Variants in RBFOX1 observed in about 807,000 individuals in gnomAD.
RBFOX1 encodes the protein RNA binding fox-1 homolog 1.
Under a neutral mutation model 57.7 loss-of-function variants are expected in RBFOX1, and 8 were observed. That is an observed-to-expected ratio of 0.14 (90% CI 0.08 to 0.25). The LOEUF (loss-of-function observed/expected upper bound fraction) is 0.25, where lower values mean the gene tolerates loss of function less well. Among genes scored for constraint, RBFOX1 ranks in the 10% least tolerant of loss-of-function variants. The pLI is 1.00. For missense variants in RBFOX1, 611 were observed against 548.5 expected, an observed-to-expected ratio of 1.11 and a Z score of -1.14; for synonymous variants, 326 against 222.4, an observed-to-expected ratio of 1.47 and a Z score of -4.15.
intron 1 of RBFOX1, among the ~76,000 whole-genome samples, chr16:6,279,482 A>C (rs2076162346): frequency 6.6e-6 from 1 of 152,194 alleles, no homozygotes; most frequent in African/African-American, 2.4e-5. Context: ...GTTTGAAAAT[A>C]CTGCAGGGGA....
At chr16:6,075,425 A>T (rs922830570) in intron 1 of RBFOX1, among the ~76,000 whole-genome samples, 2 of 152,234 alleles carry the variant, frequency 1.3e-5, no homozygotes, top group African/African-American at 4.8e-5. Flanking sequence ...CAATACAGAG[A>T]AAAAGCCATG....
At chr16:5,624,472 C>G (rs1425545563) in intron 3 of RBFOX1, among the ~76,000 whole-genome samples, 4 of 152,262 alleles carry the variant, frequency 2.6e-5, no homozygotes, top group Non-Finnish European at 4.4e-5. Flanking sequence ...TCTGGGATCA[C>G]AGGCGTGAGC....
chr16:7,284,761 C>T (rs753545960), intron 4 of RBFOX1, among the ~76,000 whole-genome samples: 17 of 152,206 alleles, frequency 1.1e-4, no homozygotes, highest in Non-Finnish European at 2.1e-4. Context: ...TGGATTGCAG[C>T]AGAATTAATG....
At chr16:7,561,669 G>A (rs1442987120) in intron 5 of RBFOX1, among the ~76,000 whole-genome samples, 1 of 152,188 alleles carries the variant, frequency 6.6e-6, no homozygotes, top group African/African-American at 2.4e-5. Flanking sequence ...TGGAGTGCTT[G>A]TCTCTTTGTT....
At chr16:7,195,587 C>A (rs1016162802) in intron 4 of RBFOX1, among the ~76,000 whole-genome samples, 2 of 152,000 alleles carry the variant, frequency 1.3e-5, no homozygotes, top group African/African-American at 4.8e-5. Context: ...AGACAGAGTC[C>A]AACTCTCTTG....
At chr16:5,977,530 G>A (rs745843035) in intron 4 of RBFOX1, among the ~76,000 whole-genome samples, 10 of 152,190 alleles carry the variant, frequency 6.6e-5, no homozygotes, top group South Asian at 2.1e-4. Context: ...GCGATGCTTC[G>A]GTTTCCATGG....
At chr16:6,212,611 G>A (rs2097305748) in intron 1 of RBFOX1, among the ~76,000 whole-genome samples, 1 of 152,144 alleles carries the variant, frequency 6.6e-6, no homozygotes, top group Non-Finnish European at 1.5e-5. Flanking sequence ...GGAGGCTGAG[G>A]CTGGAGAATG....
intron 5 of RBFOX1, among the ~76,000 whole-genome samples, chr16:7,568,176 G>A (rs2092332638): frequency 6.6e-6 from 1 of 152,112 alleles, no homozygotes; most frequent in Non-Finnish European, 1.5e-5. Context: ...TATTAGAGAA[G>A]TAAAGAAACA....
intron 1 of RBFOX1, among the ~76,000 whole-genome samples, chr16:6,043,101 G>C (rs959610825): frequency 3.6e-5 from 4 of 109,892 alleles, no homozygotes; most frequent in African/African-American, 1.4e-4. Context: ...CTGGGCGACA[G>C]AGCAAGATTG....
At chr16:6,774,825 A>G (rs2079040669) in intron 3 of RBFOX1, among the ~76,000 whole-genome samples, 1 of 152,088 alleles carries the variant, frequency 6.6e-6, no homozygotes, top group Admixed American at 6.6e-5. Flanking sequence ...CATGAGCCGT[A>G]TGGGCCTACT....
chr16:7,545,700 G>A (rs528537330), intron 5 of RBFOX1, among the ~76,000 whole-genome samples: 1 of 152,080 alleles, frequency 6.6e-6, no homozygotes, highest in African/African-American at 2.4e-5. Context: ...ATTTACCTAA[G>A]GCTGCTATAT....
chr16:5,970,538 T>C (rs878943777), intron 4 of RBFOX1, among the ~76,000 whole-genome samples: 6 of 152,124 alleles, frequency 3.9e-5, no homozygotes, highest in Admixed American at 3.9e-4. Flanking sequence ...TTTCAACCAA[T>C]GAGTTGCTCA....
intron 3 of RBFOX1, among the ~76,000 whole-genome samples, chr16:6,943,233 G>C (rs540029759): frequency 2.6e-5 from 4 of 152,320 alleles, no homozygotes; most frequent in African/African-American, 7.2e-5. Flanking sequence ...GAGCCCTCAA[G>C]AGAAAGCCAG....
chr16:6,169,811 C>G (rs1336322310), intron 1 of RBFOX1, among the ~76,000 whole-genome samples: 1 of 150,556 alleles, frequency 6.6e-6, no homozygotes, highest in Admixed American at 6.7e-5. Flanking sequence ...ATCACCCAGG[C>G]TGGAGTGCAG....
chr16:7,287,200 A>C (rs953615438), intron 4 of RBFOX1, among the ~76,000 whole-genome samples: 3 of 152,206 alleles, frequency 2.0e-5, no homozygotes, highest in Admixed American at 2.0e-4. Flanking sequence ...GCAGGTCTTG[A>C]TAATGTCTTG....
chr16:5,728,446 C>T (rs887521887), intron 3 of RBFOX1, among the ~76,000 whole-genome samples: 14 of 152,200 alleles, frequency 9.2e-5, no homozygotes, highest in African/African-American at 3.4e-4. Context: ...GACAGGTTAG[C>T]TCAAGGGAAG....
At chr16:6,911,062 G>A (rs528924857) in intron 3 of RBFOX1, among the ~76,000 whole-genome samples, 3 of 152,092 alleles carry the variant, frequency 2.0e-5, no homozygotes, top group African/African-American at 2.4e-5. Flanking sequence ...TTAGCCGAGC[G>A]TGGTGGCAGG....
intron 4 of RBFOX1, among the ~76,000 whole-genome samples, chr16:7,168,245 T>A (rs1446696660): frequency 6.6e-6 from 1 of 152,170 alleles, no homozygotes; most frequent in Admixed American, 6.5e-5. Flanking sequence ...TTTGGTTTGA[T>A]CTAGAATTTT....
chr16:7,316,983 C>CACACACACACAA (rs2096455444), intron 4 of RBFOX1, among the ~76,000 whole-genome samples: 1 of 151,072 alleles, frequency 6.6e-6, no homozygotes, highest in Admixed American at 6.6e-5. Context: ...CACACACACA[C>CACACACACACAA]ACAAACACAC....
Sources: allele counts gnomAD v4.1 joint callset (sites outside exome capture counted in the v4.1 genomes callset), GRCh38; gene constraint gnomAD v4.1.1; transcripts MANE v1.5; gene names NCBI Gene and HGNC (gene_info 2026-07-23, HGNC 2026-07-21).